PDE11A: variants seen among roughly 807,000 people sequenced by gnomAD.
PDE11A encodes dual 3',5'-cyclic-AMP and -GMP phosphodiesterase 11A.
In PDE11A, 100 loss-of-function variants were observed where a neutral mutation model predicts 100.5. That is an observed-to-expected ratio of 1.00 (90% CI 0.85 to 1.18). PDE11A has a LOEUF of 1.18. PDE11A is among the 50% of genes most tolerant of loss of function. The pLI, the probability that PDE11A is intolerant of heterozygous loss-of-function variation, is 0.00. For missense variants in PDE11A, 1,141 were observed against 1,152.6 expected, an observed-to-expected ratio of 0.99 and a Z score of 0.15; for synonymous variants, 381 against 420.8, an observed-to-expected ratio of 0.91 and a Z score of 1.16.
At chr2:178,006,475 A>G (rs764780) in intron 2 of PDE11A, among the ~76,000 whole-genome samples, 100,505 of 151,980 alleles carry the variant, frequency 0.66, 35,125 homozygotes, top group South Asian at 0.78. Context: ...CTGGCAGGCA[A>G]ATTTGCCTTT....
At chr2:177,668,831 TG>T (rs2080629236) in intron 18 of PDE11A, among the ~76,000 whole-genome samples, 1 of 152,164 alleles carries the variant, frequency 6.6e-6, no homozygotes, top group African/African-American at 2.4e-5. Flanking sequence ...TCAGAGTCAT[TG>T]GGTTATATGT....
At chr2:177,987,641 G>C (rs1397079314) in intron 2 of PDE11A, among the ~76,000 whole-genome samples, 1 of 152,140 alleles carries the variant, frequency 6.6e-6, no homozygotes, top group Non-Finnish European at 1.5e-5. Flanking sequence ...ACAGGCTGCT[G>C]TCTCTAGAAT....
At chr2:178,106,846 C>T (rs1029979620) in intron 1 of PDE11A, among the ~76,000 whole-genome samples, 2 of 151,128 alleles carry the variant, frequency 1.3e-5, no homozygotes, top group South Asian at 2.1e-4. Flanking sequence ...TGTAGTCCCA[C>T]CTACTCAGGA....
intron 2 of PDE11A, among the ~76,000 whole-genome samples, chr2:177,939,908 C>T (rs911459331): frequency 6.6e-6 from 1 of 152,162 alleles, no homozygotes; most frequent in Admixed American, 6.5e-5. Context: ...ATAAGTGGAC[C>T]TTGTTCTGAA....
intron 2 of PDE11A, among the ~76,000 whole-genome samples, chr2:177,946,147 T>G (rs1180846957): frequency 6.4e-5 from 5 of 77,860 alleles, no homozygotes; most frequent in Admixed American, 2.7e-4. Context: ...GTCTGGGAGG[T>G]GAGGGGCGCC....
chr2:177,703,495 G>T (rs2081231630), intron 13 of PDE11A, among the ~76,000 whole-genome samples: 1 of 152,092 alleles, frequency 6.6e-6, no homozygotes, highest in Non-Finnish European at 1.5e-5. Flanking sequence ...TAAGCTGATT[G>T]TTATCAATGA....
In PDE11A at chr2:177,961,022, C is replaced by T. The variant is rs573325488; in HGVS notation, c.1071+53280G>A. ...CTAAGAGACATATATGTGATCCAGA[C>T]GGCTTTTCAGAACCTTCCTGATCAT... On this transcript the variant is annotated intron_variant, in intron 2 of 19. Transcript: ENST00000286063. Among the ~76,000 whole-genome samples the T allele has an allele frequency of 7.9e-5, 12 of 152,328 alleles. No individual in the cohort carries two copies. The South Asian group carries it at 1.9e-3, about 24-fold the overall frequency.
intron 6 of PDE11A, among the ~76,000 whole-genome samples, chr2:177,834,308 T>G (rs939331930): frequency 6.6e-6 from 1 of 152,170 alleles, no homozygotes; most frequent in Non-Finnish European, 1.5e-5. Context: ...AGCTTTCTTG[T>G]CCTCAGACTT....
intron 10 of PDE11A, among the ~76,000 whole-genome samples, chr2:177,759,173 G>GCACACACACACACACACA (rs10541503): frequency 1.5e-4 from 22 of 147,424 alleles, no homozygotes; most frequent in African/African-American, 5.0e-4. Flanking sequence ...TGGAGCACGT[G>GCACACACACACACACACA]CACACACACA....
intron 10 of PDE11A, among the ~76,000 whole-genome samples, chr2:177,756,384 C>T (rs192831144): frequency 2.3e-4 from 35 of 152,270 alleles, no homozygotes; most frequent in Admixed American, 2.3e-3. Context: ...CCTTTAAATT[C>T]ATATTGGAGA....
intron 6 of PDE11A, among the ~76,000 whole-genome samples, chr2:177,839,130 G>C (rs891888835): frequency 6.6e-5 from 10 of 152,176 alleles, no homozygotes; most frequent in Non-Finnish European, 1.3e-4. Flanking sequence ...AAGATGATCT[G>C]ACTGAAGTTG....
intron 2 of PDE11A, among the ~76,000 whole-genome samples, chr2:177,984,563 G>A (rs1404571486): frequency 6.6e-6 from 1 of 152,022 alleles, no homozygotes; most frequent in Non-Finnish European, 1.5e-5. Flanking sequence ...AGCTCCTTGG[G>A]ATATATAATG....
intron 16 of PDE11A, among the ~76,000 whole-genome samples, chr2:177,678,662 T>C (rs1050034770): frequency 6.6e-6 from 1 of 152,004 alleles, no homozygotes; most frequent in East Asian, 1.9e-4. Context: ...AGTGTAACCA[T>C]GAAATGGGGG....
chr2:178,013,101 C>T (rs1415836115), intron 2 of PDE11A, among the ~76,000 whole-genome samples: 3 of 152,140 alleles, frequency 2.0e-5, no homozygotes, highest in South Asian at 2.1e-4. Context: ...GATCAAATAC[C>T]GCCTCTTCCA....
At chr2:177,958,277 A>G (rs2085591417) in intron 2 of PDE11A, among the ~76,000 whole-genome samples, 3 of 152,236 alleles carry the variant, frequency 2.0e-5, no homozygotes, top group Non-Finnish European at 2.9e-5. Context: ...AAAAGGATGT[A>G]AAAGGATTTG....
intron 12 of PDE11A, among the ~76,000 whole-genome samples, chr2:177,713,987 C>CTTTTTTTTTT (rs57211363): frequency 0.072 from 5,605 of 77,412 alleles, 220 homozygotes; most frequent in East Asian, 0.095. Context: ...TTTCTTTTTT[C>CTTTTTTTTTT]TTTTTTTTTT....
At chr2:178,029,661 T>G (rs1375898542) in intron 1 of PDE11A, among the ~76,000 whole-genome samples, 1 of 152,032 alleles carries the variant, frequency 6.6e-6, no homozygotes. Context: ...AGAGCAAAAG[T>G]TAATGAAAAT....
At chr2:177,635,759 C>A (rs902076890) in intron 19 of PDE11A, among the ~76,000 whole-genome samples, 3 of 151,928 alleles carry the variant, frequency 2.0e-5, no homozygotes, top group Non-Finnish European at 4.4e-5. Context: ...ATATTTGCCC[C>A]TTTTTACAAA....
intron 5 of PDE11A, among the ~76,000 whole-genome samples, chr2:177,871,242 G>T (rs527432623): frequency 2.0e-5 from 3 of 152,144 alleles, no homozygotes; most frequent in Admixed American, 6.5e-5. Context: ...GTACACTCGG[G>T]GTTGTTTAGG....
Sources: allele counts gnomAD v4.1 joint callset (sites outside exome capture counted in the v4.1 genomes callset), GRCh38; gene constraint gnomAD v4.1.1; transcripts MANE v1.5; gene names NCBI Gene and HGNC (gene_info 2026-07-23, HGNC 2026-07-21).